XRN1: variants seen among roughly 807,000 people sequenced by gnomAD.
The protein encoded by XRN1 is 5'-3' exoribonuclease 1.
In XRN1, 67 loss-of-function variants were observed where a neutral mutation model predicts 222.3. The ratio of observed to expected loss-of-function variants is 0.30; its 90% confidence interval spans 0.25 to 0.37. The LOEUF is 0.37. Ranked by LOEUF, XRN1 falls within the 10% of genes least tolerant of loss-of-function variation. The pLI, the probability that XRN1 is intolerant of heterozygous loss-of-function variation, is 1.00. For synonymous variants in XRN1, 643 were observed against 652.4 expected, an observed-to-expected ratio of 0.99 and a Z score of 0.22; for missense variants, 1,707 against 2,000.2, an observed-to-expected ratio of 0.85 and a Z score of 2.80.
chr3:142,365,413 T>A, intron 27 of XRN1, 47 bp from the exon 28 acceptor site: 2 of 1,384,144 alleles, frequency 1.4e-6, no homozygotes, highest in South Asian at 1.5e-5. Flanking sequence ...TATAAAATTA[T>A]AAAATCACTA....
intron 15 of XRN1, among the ~76,000 whole-genome samples, chr3:142,411,203 G>C (rs551276713): frequency 1.3e-5 from 2 of 151,946 alleles, no homozygotes; most frequent in Non-Finnish European, 2.9e-5. Context: ...TCCCAATATT[G>C]GTAATTTATT....
At chr3:142,326,776 A>G (rs1029484314) in intron 37 of XRN1, among the ~76,000 whole-genome samples, 4 of 151,996 alleles carry the variant, frequency 2.6e-5, no homozygotes, top group African/African-American at 9.7e-5. Flanking sequence ...GTTGTTGTTT[A>G]TTATGTTGAG....
intron 37 of XRN1, 113 bp downstream of exon 37, chr3:142,329,321 T>C (rs1273023913): frequency 5.4e-5 from 38 of 707,192 alleles, no homozygotes; most frequent in Non-Finnish European, 2.7e-5. Context: ...ATGCTGCTCA[T>C]AAAGTTAAGA....
intron 4 of XRN1, 35 bp from the exon 5 acceptor site, chr3:142,425,367 G>A (rs1421305263): frequency 6.3e-7 from 1 of 1,583,728 alleles, no homozygotes; most frequent in South Asian, 1.1e-5. Flanking sequence ...GCAGTAATAT[G>A]GTATATGCTT....
chr3:142,335,190 T>A lies in XRN1; in HGVS notation c.3939+258A>T, dbSNP rs1489660356. ...CTTAAAGATGAGAAAATTGAGGCTG[T>A]GAGAGGTAAAGTGAATTGCTCAAGG... On this transcript the variant is annotated intron_variant, in intron 34 of 40. Coordinates refer to ENST00000392981, the MANE Select transcript of XRN1 (RefSeq NM_001282857.2). Among the ~76,000 whole-genome samples the A allele has an allele frequency of 2.0e-5, 3 of 152,104 alleles. No individual in the cohort carries two copies. In the South Asian group the frequency reaches 6.2e-4, roughly 31 times the overall value.
intron 14 of XRN1, 40 bp from the exon 15 acceptor site, chr3:142,412,703 T>G (rs753840618): frequency 4.4e-6 from 6 of 1,351,740 alleles, no homozygotes. Context: ...ATATAAGAAC[T>G]AATATCAATA....
rs199947503 is a variant in XRN1, at chr3:142,429,144, CTTT to C, written c.309-2306_309-2304del. Among the ~76,000 whole-genome samples the C allele has an allele frequency of 0.012, 1,399 of 120,026 alleles. 23 individuals are homozygous for C. The East Asian group carries it at 0.13, about 11-fold the overall frequency. 78.7% of individuals were successfully genotyped at this position (120,026 alleles called of 152,430 possible). A position where few individuals can be genotyped will look rare whatever the true frequency, so the allele number is the denominator to read the frequency against. On this transcript the variant is annotated intron_variant, in intron 2 of 40. Coordinates refer to ENST00000392981, the MANE Select transcript of XRN1 (RefSeq NM_001282857.2). ...AGTATTCTTTGGATTTAGCCATAAT[CTTT>C]TTTTTTTTTTTTTTTTTTGAGACAG...
chr3:142,393,677 T>C (rs1271862563), intron 20 of XRN1, among the ~76,000 whole-genome samples: 1 of 152,176 alleles, frequency 6.6e-6, no homozygotes, highest in Non-Finnish European at 1.5e-5. Flanking sequence ...ATGACTTGGT[T>C]TTTGACATTA....
chr3:142,374,052 G>A (rs2067066929), intron 25 of XRN1, among the ~76,000 whole-genome samples: 1 of 152,040 alleles, frequency 6.6e-6, no homozygotes, highest in South Asian at 2.1e-4. Context: ...CTACACCCAG[G>A]CAAACTATCG....
intron 25 of XRN1, among the ~76,000 whole-genome samples, chr3:142,375,110 G>A (rs2067102551): frequency 6.6e-6 from 1 of 152,124 alleles, no homozygotes; most frequent in African/African-American, 2.4e-5. Flanking sequence ...GCAATATCTC[G>A]ATTTTGGACT....
In XRN1 at chr3:142,397,310, T is replaced by C. The variant is rs1230407513; in HGVS notation, c.2339+19A>G. 5.8e-6 allele frequency: 9 copies of C among 1,553,698 alleles called. No individual in the cohort carries two copies. Among genetic ancestry groups the C allele is most frequent in the Non-Finnish European group, 7.8e-6 (9 of 1,151,828 alleles). On this transcript the variant is annotated intron_variant, in intron 20 of 40. Transcript: ENST00000392981. Reference sequence around the variant, plus strand: ...CGGATTTTAGTTCCATGATATTAAATACTTTTAACGATACTCACTGTTCTG... The same window carrying C: ...CGGATTTTAGTTCCATGATATTAAACACTTTTAACGATACTCACTGTTCTG...
intron 37 of XRN1, 118 bp downstream of exon 37, chr3:142,329,316 G>A: frequency 3.1e-6 from 2 of 639,636 alleles, no homozygotes; most frequent in South Asian, 4.5e-5. Flanking sequence ...AATCTATGCT[G>A]CTCATAAAGT....
intron 15 of XRN1, among the ~76,000 whole-genome samples, chr3:142,408,483 C>T (rs1295482487): frequency 6.6e-6 from 1 of 152,194 alleles, no homozygotes; most frequent in Non-Finnish European, 1.5e-5. Flanking sequence ...CATCCCATGA[C>T]ACCAGGTGCA....
At chr3:142,419,491 A>G (rs1212141788) in intron 10 of XRN1, among the ~76,000 whole-genome samples, 1 of 152,158 alleles carries the variant, frequency 6.6e-6, no homozygotes, top group African/African-American at 2.4e-5. Context: ...AAATAGAACC[A>G]GTACAGCAAG....
chr3:142,443,437 C>A (rs182260515), intron 1 of XRN1, among the ~76,000 whole-genome samples: 27 of 147,010 alleles, frequency 1.8e-4, no homozygotes, highest in African/African-American at 5.1e-4. Context: ...TTAGCTCACA[C>A]CTGATCAATC....
Position 142,422,864 on chromosome 3 carries a change from ACT to A in XRN1, c.767_768del (p.Glu256ValfsTer3). On this transcript the variant is annotated frameshift_variant, in exon 7 of 41. Transcript: ENST00000392981. LOFTEE classifies it high-confidence loss of function. ...AATACTGAAAACTCATAGTCAATAT[ACT>A]CTCTCATTAAAGACAAGTGTAGAAG... ...FHLLHLSLMR[E>X]YIDYEFSVLK... 1 of 1,612,382 alleles carries A rather than the reference ACT, an allele frequency of 6.2e-7. No individual in the cohort carries two copies. The highest frequency in any genetic ancestry group is 1.1e-5 in the South Asian group (1 of 90,866).
At chr3:142,345,558 C>T (rs2066122293) in intron 33 of XRN1, among the ~76,000 whole-genome samples, 1 of 152,064 alleles carries the variant, frequency 6.6e-6, no homozygotes, top group South Asian at 2.1e-4. Context: ...ACAAATTGGA[C>T]TTCATCAAAA....
intron 33 of XRN1, among the ~76,000 whole-genome samples, chr3:142,339,524 C>T (rs1235950988): frequency 1.3e-5 from 2 of 152,208 alleles, no homozygotes; most frequent in Non-Finnish European, 1.5e-5. Context: ...CAGACACCAA[C>T]AAACATCAAC....
chr3:142,323,462 G>C (rs72990417), intron 37 of XRN1, among the ~76,000 whole-genome samples: 1 of 151,956 alleles, frequency 6.6e-6, no homozygotes, highest in Admixed American at 6.6e-5. Flanking sequence ...GATTACAGAC[G>C]TGAGATACCA....
Sources: gnomAD v4.1 joint callset for allele counts (sites outside exome capture counted in the v4.1 genomes callset) on GRCh38, gnomAD v4.1.1 for gene constraint, MANE v1.5 for transcripts, NCBI Gene and HGNC (gene_info 2026-07-23, HGNC 2026-07-21) for gene names.